Variants in HAPLN1 observed in about 807,000 individuals in gnomAD.
The protein encoded by HAPLN1 is Cartilage link protein.
HAPLN1 carries 13 observed loss-of-function variants against 36.5 expected under a neutral mutation model. The ratio of observed to expected loss-of-function variants is 0.36; its 90% CI spans 0.23 to 0.57. The LOEUF (loss-of-function observed/expected upper bound fraction) is 0.57, where lower values mean the gene tolerates loss of function less well. Among genes scored for constraint, HAPLN1 ranks in the 20% least tolerant of loss-of-function variants. The pLI, the probability that HAPLN1 is intolerant of heterozygous loss-of-function variation, is 0.83. For synonymous variants in HAPLN1, 202 were observed against 169.8 expected (o/e 1.19, Z -1.48); for missense variants, 407 against 439.7 (o/e 0.93, Z 0.66).
At chr5:83,646,972 C>T (rs1749895939) in intron 3 of HAPLN1, among the ~76,000 whole-genome samples, 1 of 152,224 alleles carries the variant, frequency 6.6e-6, no homozygotes, top group Admixed American at 6.5e-5. Flanking sequence ...GGTTGACTTC[C>T]ATTTCCAAAA....
chr5:83,678,477 G>A (rs367867035), intron 1 of HAPLN1, among the ~76,000 whole-genome samples: 5 of 152,170 alleles, frequency 3.3e-5, no homozygotes, highest in African/African-American at 1.2e-4. Context: ...AAGATGATTT[G>A]CCGTGGTTTA....
At chr5:83,677,833 T>C (rs1379815541) in intron 1 of HAPLN1, among the ~76,000 whole-genome samples, 1 of 152,086 alleles carries the variant, frequency 6.6e-6, no homozygotes, top group African/African-American at 2.4e-5. Context: ...GTAAGAAAAA[T>C]AGTGAATCAA....
chr5:83,686,347 G>A (rs1751126683), intron 1 of HAPLN1, among the ~76,000 whole-genome samples: 1 of 152,124 alleles, frequency 6.6e-6, no homozygotes, highest in Non-Finnish European at 1.5e-5. Flanking sequence ...AAAGGTAGAA[G>A]AGGGAACAAG....
intron 1 of HAPLN1, among the ~76,000 whole-genome samples, chr5:83,717,516 A>G (rs1383261618): frequency 1.3e-5 from 2 of 152,180 alleles, no homozygotes; most frequent in African/African-American, 4.8e-5. Context: ...TCCTATATGA[A>G]TTTCACAACT....
intron 1 of HAPLN1, among the ~76,000 whole-genome samples, chr5:83,718,463 A>T (rs1751960844): frequency 6.6e-6 from 1 of 152,206 alleles, no homozygotes; most frequent in South Asian, 2.1e-4. Context: ...GTAAATAAAG[A>T]GATGCATTAT....
rs1749599672 is a variant in HAPLN1, at chr5:83,638,912, G to T, written c.*2584C>A. The T allele has an allele frequency of 6.6e-6, 1 of 151,912 alleles. No individual in the cohort carries two copies. The highest frequency in any genetic ancestry group is 2.4e-5 in the African/African-American group (1 of 41,404). The allele number at this position is 151,912 out of a possible 1,614,324, so 9.4% of individuals were successfully genotyped here. A position where few individuals can be genotyped will look rare whatever the true frequency, so the allele number is the denominator to read the frequency against. On this transcript the variant is annotated 3_prime_UTR_variant, in exon 5 of 5. Coordinates refer to ENST00000274341, the MANE Select transcript of HAPLN1 (RefSeq NM_001884.4). ...TCAGTGAAATGTGCAGATATACTTTGTTCCTTATATGGTCACCAGTGTTAA... is the reference window on the plus strand; with the variant it reads ...TCAGTGAAATGTGCAGATATACTTTTTTCCTTATATGGTCACCAGTGTTAA...
intron 2 of HAPLN1, among the ~76,000 whole-genome samples, chr5:83,670,184 C>G (rs977720122): frequency 8.0e-4 from 122 of 152,222 alleles, no homozygotes; most frequent in African/African-American, 2.7e-3. Flanking sequence ...AGTTTTTGGA[C>G]CTGATACAAA....
chr5:83,660,673 TGTTGATAAA>T (rs769583196), intron 2 of HAPLN1, among the ~76,000 whole-genome samples: 9 of 152,156 alleles, frequency 5.9e-5, no homozygotes, highest in Non-Finnish European at 8.8e-5. Flanking sequence ...AACTCTGTTC[TGTTGATAAA>T]GTTGTTTGTG....
chr5:83,658,042 A>G (rs1281854830), intron 2 of HAPLN1, among the ~76,000 whole-genome samples: 2 of 152,168 alleles, frequency 1.3e-5, no homozygotes, highest in Non-Finnish European at 2.9e-5. Flanking sequence ...CATCCCAAAC[A>G]GAAAGTTAAT....
intron 1 of HAPLN1, among the ~76,000 whole-genome samples, chr5:83,696,365 A>C (rs1751389290): frequency 1.3e-5 from 2 of 152,120 alleles, no homozygotes; most frequent in African/African-American, 4.8e-5. Flanking sequence ...TCAAATCAAA[A>C]TTTTAGCCCA....
In HAPLN1 at chr5:83,638,772, ACAGCACTCACTTAAAGAT is replaced by A. The variant is rs764246342; in HGVS notation, c.*2706_*2723del. On this transcript the variant is annotated 3_prime_UTR_variant, in exon 5 of 5. Transcript: ENST00000274341. The stretch of plus-strand genomic sequence containing the variant: ...CTAAAAATTACTGTGACACAATATG[ACAGCACTCACTTAAAGAT>A]GGCTTCCAGTGTTAATGTGACCAAC... The A allele has an allele frequency of 6.6e-6, 1 of 152,112 alleles. No homozygotes were observed. Among genetic ancestry groups the A allele is most frequent in the East Asian group, 1.9e-4 (1 of 5,206 alleles). 9.4% of individuals were successfully genotyped at this position (152,112 alleles called of 1,614,324 possible). A position where few individuals can be genotyped will look rare whatever the true frequency, so the allele number is the denominator to read the frequency against.
At chr5:83,656,001 T>C (rs1455189180) in intron 2 of HAPLN1, among the ~76,000 whole-genome samples, 1 of 152,190 alleles carries the variant, frequency 6.6e-6, no homozygotes, top group Non-Finnish European at 1.5e-5. Flanking sequence ...TTTAAACTCC[T>C]GGATCAGTTT....
intron 1 of HAPLN1, among the ~76,000 whole-genome samples, chr5:83,705,718 C>A (rs1368688045): frequency 6.6e-6 from 1 of 151,938 alleles, no homozygotes; most frequent in Non-Finnish European, 1.5e-5. Flanking sequence ...AAAAAACAAT[C>A]AAAATCAGAG....
intron 2 of HAPLN1, among the ~76,000 whole-genome samples, chr5:83,672,235 T>A (rs1056746749): frequency 7.9e-5 from 12 of 152,192 alleles, no homozygotes; most frequent in Admixed American, 2.0e-4. Context: ...TTGAATTCTG[T>A]CACTAGAATT....
At chr5:83,715,208 T>C (rs1751890897) in intron 1 of HAPLN1, among the ~76,000 whole-genome samples, 1 of 152,194 alleles carries the variant, frequency 6.6e-6, no homozygotes. Context: ...ACATTTACTT[T>C]AAAGAAATAA....
At chr5:83,696,757 T>C (rs933397941) in intron 1 of HAPLN1, among the ~76,000 whole-genome samples, 2 of 152,174 alleles carry the variant, frequency 1.3e-5, no homozygotes, top group African/African-American at 4.8e-5. Context: ...TGTATTAATT[T>C]TCTTTGCTCT....
intron 1 of HAPLN1, among the ~76,000 whole-genome samples, chr5:83,705,182 G>A (rs1751610660): frequency 6.6e-6 from 1 of 152,084 alleles, no homozygotes; most frequent in South Asian, 2.1e-4. Context: ...CTGAGGTCAG[G>A]AGTTTAAGAC....
In HAPLN1 at chr5:83,637,957, A is replaced by G. The variant is rs560558923; in HGVS notation, c.*3539T>C. The G allele has an allele frequency of 2.6e-5, 4 of 152,034 alleles. No individual in the cohort carries two copies. Among genetic ancestry groups the G allele is most frequent in the Non-Finnish European group, 2.9e-5 (2 of 67,910 alleles). 9.4% of individuals were successfully genotyped at this position (152,034 alleles called of 1,614,324 possible). ...TGCTTTGAGTCATATACAAAGAGAAAAAAGTCAATATATTTTGGGATAATA... is the reference window on the plus strand; with the variant it reads ...TGCTTTGAGTCATATACAAAGAGAAGAAAGTCAATATATTTTGGGATAATA... On this transcript the variant is annotated 3_prime_UTR_variant, in exon 5 of 5. Coordinates refer to ENST00000274341, the MANE Select transcript of HAPLN1 (RefSeq NM_001884.4).
At chr5:83,671,065 C>T (rs1391853461) in intron 2 of HAPLN1, among the ~76,000 whole-genome samples, 2 of 151,938 alleles carry the variant, frequency 1.3e-5, no homozygotes, top group Non-Finnish European at 2.9e-5. Context: ...TAAAACCTCC[C>T]ACAACAAAAT....
Sources: gnomAD v4.1 joint callset for allele counts (sites outside exome capture counted in the v4.1 genomes callset) on GRCh38, gnomAD v4.1.1 for gene constraint, MANE v1.5 for transcripts, NCBI Gene and HGNC (gene_info 2026-07-23, HGNC 2026-07-21) for gene names.